The following CDH2 variants were observed in gnomAD, a reference collection of about 807,000 sequenced individuals.
CDH2 encodes cadherin-2.
Under a neutral mutation model 92.0 loss-of-function variants are expected in CDH2, and 17 were observed. The ratio of observed to expected loss-of-function variants is 0.18; its 90% CI spans 0.13 to 0.28. CDH2 has a LOEUF of 0.28. Ranked by LOEUF, CDH2 falls within the 10% of genes least tolerant of loss-of-function variation. The pLI is 1.00. For missense variants in CDH2, 862 were observed against 1,133.1 expected, an observed-to-expected ratio of 0.76 and a Z score of 3.44; for synonymous variants, 419 against 415.9, an observed-to-expected ratio of 1.01 and a Z score of -0.09.
At chr18:28,077,372 C>T (rs1004666290) in intron 2 of CDH2, among the ~76,000 whole-genome samples, 2 of 151,908 alleles carry the variant, frequency 1.3e-5, no homozygotes, top group Non-Finnish European at 2.9e-5. Context: ...AAGATGTTAC[C>T]GGATCAGAAA....
intron 2 of CDH2, among the ~76,000 whole-genome samples, chr18:28,075,483 A>T (rs1348361977): frequency 6.6e-6 from 1 of 152,196 alleles, no homozygotes; most frequent in Admixed American, 6.5e-5. Flanking sequence ...TCTCCATGGG[A>T]TGAACAAACA....
intron 1 of CDH2, among the ~76,000 whole-genome samples, chr18:28,174,903 C>T (rs558171803): frequency 2.0e-5 from 3 of 152,122 alleles, no homozygotes; most frequent in Non-Finnish European, 2.9e-5. Context: ...CGACCCAATG[C>T]TGTCCAAAAA....
intron 2 of CDH2, among the ~76,000 whole-genome samples, chr18:28,129,715 G>C (rs1033078587): frequency 1.3e-5 from 2 of 152,098 alleles, no homozygotes; most frequent in African/African-American, 4.8e-5. Context: ...TGTAGTCTCA[G>C]CTACTCAGGA....
At chr18:28,143,531 T>C (rs1233330761) in intron 2 of CDH2, among the ~76,000 whole-genome samples, 1 of 151,914 alleles carries the variant, frequency 6.6e-6, no homozygotes, top group East Asian at 1.9e-4. Flanking sequence ...TGCTTTTTAA[T>C]TATAAGGAGT....
chr18:28,032,421 C>G (rs1235881324), intron 2 of CDH2, among the ~76,000 whole-genome samples: 1 of 152,056 alleles, frequency 6.6e-6, no homozygotes, highest in African/African-American at 2.4e-5. Flanking sequence ...AAAGATTGCA[C>G]CCACTTCCTC....
intron 2 of CDH2, among the ~76,000 whole-genome samples, chr18:28,106,690 A>T (rs1416247003): frequency 6.6e-6 from 1 of 152,208 alleles, no homozygotes; most frequent in Non-Finnish European, 1.5e-5. Flanking sequence ...TGTCTTAACT[A>T]TTCTTTAAAA....
downstream of CDH2, among the ~76,000 whole-genome samples, chr18:27,950,407 CT>C (rs757132606): frequency 1.3e-5 from 2 of 152,064 alleles, no homozygotes; most frequent in Non-Finnish European, 2.9e-5. Flanking sequence ...AGACTGTTTC[CT>C]TTTGTTGCCC....
At chr18:28,048,820 G>C (rs2014132130) in intron 2 of CDH2, among the ~76,000 whole-genome samples, 1 of 152,088 alleles carries the variant, frequency 6.6e-6, no homozygotes, top group Non-Finnish European at 1.5e-5. Flanking sequence ...TGAAATAGCA[G>C]CCTGCCATCA....
At chr18:28,015,184 G>GCC (rs753420578) in intron 2 of CDH2, among the ~76,000 whole-genome samples, 1 of 152,120 alleles carries the variant, frequency 6.6e-6, no homozygotes, top group Non-Finnish European at 1.5e-5. Flanking sequence ...CGTGCACACA[G>GCC]CCACATCTAA....
In CDH2 at chr18:28,155,692, C is replaced by T. The variant is rs28365323; in HGVS notation, c.61-7908G>A. Among the ~76,000 whole-genome samples the T allele has an allele frequency of 1.4e-3, 212 of 152,252 alleles. 2 individuals are homozygous for T. In the East Asian group the frequency reaches 0.038, roughly 27 times the overall value. On this transcript the variant is annotated intron_variant, in intron 1 of 15. Coordinates refer to ENST00000269141, the MANE Select transcript of CDH2 (RefSeq NM_001792.5). The stretch of plus-strand genomic sequence containing the variant: ...CAGTTAATGAAGACACTGTTAACGT[C>T]GTTAGTTGAGTACATGGTGATAGAG...
chr18:28,010,762 C>T (rs1361870056), intron 4 of CDH2, among the ~76,000 whole-genome samples: 2 of 151,688 alleles, frequency 1.3e-5, no homozygotes, highest in Non-Finnish European at 2.9e-5. Context: ...CTCCACCTCC[C>T]GGGTTCATGC....
intron 2 of CDH2, among the ~76,000 whole-genome samples, chr18:28,042,935 T>TA (rs746766546): frequency 4.6e-5 from 7 of 152,218 alleles, no homozygotes; most frequent in Non-Finnish European, 8.8e-5. Context: ...TGGATCATAA[T>TA]AAAAACTATT....
At chr18:28,121,355 T>A (rs2015585027) in intron 2 of CDH2, among the ~76,000 whole-genome samples, 2 of 152,084 alleles carry the variant, frequency 1.3e-5, no homozygotes, top group Admixed American at 1.3e-4. Context: ...TTTCATTATG[T>A]CTCATTTTTC....
At chr18:28,030,104 GTC>G (rs1207025895) in intron 2 of CDH2, among the ~76,000 whole-genome samples, 1 of 152,102 alleles carries the variant, frequency 6.6e-6, no homozygotes, top group Admixed American at 6.6e-5. Context: ...AAGCAGACTA[GTC>G]TGAATTACAT....
At chr18:27,943,341 A>G (rs1361561680) in intron 6 of CDH2, among the ~76,000 whole-genome samples, 1 of 152,332 alleles carries the variant, frequency 6.6e-6, no homozygotes, top group Non-Finnish European at 1.5e-5. Context: ...GTGTCAGTGG[A>G]CAAGCCACAT....
chr18:27,934,721 AATC>A (rs1908979279), intron 6 of CDH2, among the ~76,000 whole-genome samples: 1 of 151,990 alleles, frequency 6.6e-6, no homozygotes. Context: ...TAAATTAACT[AATC>A]AATTAACTAA....
At chr18:27,957,398 T>C (rs968243039) in intron 15 of CDH2, among the ~76,000 whole-genome samples, 7 of 151,074 alleles carry the variant, frequency 4.6e-5, no homozygotes, top group Admixed American at 4.0e-4. Context: ...TACAGATGCC[T>C]GCCACCATGC....
intron 14 of CDH2, among the ~76,000 whole-genome samples, chr18:27,967,489 G>A (rs1389549537): frequency 6.6e-6 from 1 of 152,120 alleles, no homozygotes; most frequent in East Asian, 1.9e-4. Flanking sequence ...CCTTACTCCT[G>A]AAGATTATAA....
chr18:27,980,275 A>T (rs1567947355), intron 14 of CDH2, among the ~76,000 whole-genome samples: 3 of 152,158 alleles, frequency 2.0e-5, no homozygotes, highest in Admixed American at 6.5e-5. Flanking sequence ...CTAGTGTATG[A>T]GGGGGTAAAC....
Sources: gnomAD v4.1 joint callset for allele counts (sites outside exome capture counted in the v4.1 genomes callset) on GRCh38, gnomAD v4.1.1 for gene constraint, MANE v1.5 for transcripts, NCBI Gene and HGNC (gene_info 2026-07-23, HGNC 2026-07-21) for gene names.